LRP1B: variants seen among roughly 807,000 people sequenced by gnomAD.
LRP1B encodes the protein LDL receptor related protein 1B.
A neutral mutation model predicts 556.6 loss-of-function variants in LRP1B; 217 were observed. The observed-to-expected ratio is 0.39, with a 90% CI of 0.35 to 0.44. The LOEUF is 0.44. Among genes scored for constraint, LRP1B ranks in the 20% least tolerant of loss-of-function variants. The probability of loss-of-function intolerance (pLI) is 1.00; values close to 1 mark genes in which losing one functional copy is unlikely to be tolerated. For missense variants in LRP1B, 5,053 were observed against 5,620.8 expected, an observed-to-expected ratio of 0.90 and a Z score of 3.23; for synonymous variants, 2,047 against 1,865.8, an observed-to-expected ratio of 1.10 and a Z score of -2.50.
chr2:140,324,612 G>T (rs1372491606), intron 80 of LRP1B, among the ~76,000 whole-genome samples: 1 of 151,982 alleles, frequency 6.6e-6, no homozygotes. Flanking sequence ...CATCTGATTA[G>T]TTTGTCTAAA....
chr2:140,285,348 T>C (rs1362728729), intron 84 of LRP1B, among the ~76,000 whole-genome samples: 1 of 150,980 alleles, frequency 6.6e-6, no homozygotes, highest in Non-Finnish European at 1.5e-5. Context: ...TATGTATATA[T>C]GTGTACATAT....
chr2:140,885,800 A>T (rs1328197762), intron 24 of LRP1B, among the ~76,000 whole-genome samples: 4 of 4,694 alleles, frequency 8.5e-4, no homozygotes, highest in African/African-American at 1.8e-3. Context: ...TAGCAAAATT[A>T]AAAAAAAAAA....
chr2:141,853,419 C>T (rs1697932185), intron 1 of LRP1B, among the ~76,000 whole-genome samples: 1 of 151,662 alleles, frequency 6.6e-6, no homozygotes. Flanking sequence ...GTTAATGTTT[C>T]TCCACGTTCT....
intron 7 of LRP1B, among the ~76,000 whole-genome samples, chr2:141,100,205 C>A (rs900689828): frequency 1.3e-5 from 2 of 152,188 alleles, no homozygotes; most frequent in East Asian, 3.9e-4. Context: ...AGTACTAACA[C>A]TTCTGAGTTC....
chr2:142,016,784 A>G (rs1703147864), intron 1 of LRP1B, among the ~76,000 whole-genome samples: 1 of 151,406 alleles, frequency 6.6e-6, no homozygotes, highest in Admixed American at 6.6e-5. Flanking sequence ...TATGTAACAA[A>G]CCTGCACGTT....
chr2:141,601,927 T>C (rs879271), intron 2 of LRP1B, among the ~76,000 whole-genome samples: 142,810 of 152,208 alleles, frequency 0.94, 67,690 homozygotes, highest in East Asian at 1. Flanking sequence ...TAAGCCTCCA[T>C]GAGAAACTGC....
At chr2:141,639,626 C>A (rs935974236) in intron 2 of LRP1B, among the ~76,000 whole-genome samples, 1 of 151,370 alleles carries the variant, frequency 6.6e-6, no homozygotes, top group Non-Finnish European at 1.5e-5. Context: ...AATATAATAA[C>A]AATGTATACA....
In LRP1B at chr2:141,439,004, T is replaced by C. The variant is rs1311582872; in HGVS notation, c.343+41392A>G. Among the ~76,000 whole-genome samples the C allele has an allele frequency of 2.6e-5, 4 of 152,190 alleles. No individual in the cohort carries two copies. The East Asian group carries it at 7.7e-4, about 29-fold the overall frequency. The stretch of plus-strand genomic sequence containing the variant: ...GTTGGGTGGTATGATCAAAATTGTA[T>C]AATTTTGATCCAATTTGAAAAATTG... On this transcript the variant is annotated intron_variant, in intron 3 of 90. Transcript: ENST00000389484.
At chr2:141,781,739 C>T (rs1236713595) in intron 2 of LRP1B, among the ~76,000 whole-genome samples, 1 of 152,088 alleles carries the variant, frequency 6.6e-6, no homozygotes, top group African/African-American at 2.4e-5. Context: ...GTTACACAGA[C>T]ATAGATAAAA....
intron 66 of LRP1B, among the ~76,000 whole-genome samples, chr2:140,396,872 G>A (rs1251632264): frequency 6.6e-6 from 1 of 152,088 alleles, no homozygotes; most frequent in East Asian, 1.9e-4. Context: ...TGAGATTTTG[G>A]TTGTCAGCAC....
chr2:141,492,069 T>G (rs115231738), intron 2 of LRP1B, among the ~76,000 whole-genome samples: 1,281 of 16,510 alleles, frequency 0.078, 32 homozygotes, highest in African/African-American at 0.2. Flanking sequence ...AAGTCACTAT[T>G]TAGCTTTCTG....
chr2:141,376,768 T>A (rs1424952782), intron 3 of LRP1B, among the ~76,000 whole-genome samples: 1 of 152,204 alleles, frequency 6.6e-6, no homozygotes, highest in Non-Finnish European at 1.5e-5. Context: ...ATTTTTATGT[T>A]GATAGTCATG....
chr2:142,092,630 T>C (rs1411812206), intron 1 of LRP1B, among the ~76,000 whole-genome samples: 1 of 134,128 alleles, frequency 7.5e-6, no homozygotes, highest in Non-Finnish European at 1.7e-5. Flanking sequence ...GTAAGGAGAT[T>C]TGTGTGTGTG....
Position 140,407,701 on chromosome 2 carries a change from GAA to G in LRP1B, c.10415-21694_10415-21693del, listed in dbSNP as rs535518184. ...TAGTACATGTTGCTGTGGATGTGGT[GAA>G]AAGAGAACACTTTTGTACTGCTGGT... On this transcript the variant is annotated intron_variant, in intron 66 of 90. Transcript: ENST00000389484. 5.9e-5 allele frequency among the ~76,000 whole-genome samples: 9 copies of G among 152,152 alleles called. 1 individual carries two copies. Among genetic ancestry groups the G allele is most frequent in the African/African-American group, 2.2e-4 (9 of 41,534 alleles).
At chr2:141,962,961 C>G (rs1438533151) in intron 1 of LRP1B, among the ~76,000 whole-genome samples, 1 of 151,712 alleles carries the variant, frequency 6.6e-6, no homozygotes, top group Non-Finnish European at 1.5e-5. Context: ...AGTCATTTTC[C>G]AACAAGTCAC....
At chr2:142,080,272 T>C (rs1705662662) in intron 1 of LRP1B, among the ~76,000 whole-genome samples, 1 of 152,198 alleles carries the variant, frequency 6.6e-6, no homozygotes, top group South Asian at 2.1e-4. Context: ...TAAAAGGTGC[T>C]ATTAAGTGAA....
At chr2:141,124,664 G>GAAAAA (rs570765407) in intron 7 of LRP1B, among the ~76,000 whole-genome samples, 3 of 73,674 alleles carry the variant, frequency 4.1e-5, no homozygotes, top group African/African-American at 1.2e-4. Flanking sequence ...AGTGACAAAT[G>GAAAAA]AAAAAAAAAA....
intron 6 of LRP1B, among the ~76,000 whole-genome samples, chr2:141,213,124 T>TA (rs1194668423): frequency 6.6e-6 from 1 of 151,818 alleles, no homozygotes; most frequent in East Asian, 1.9e-4. Flanking sequence ...TTAATTTTTT[T>TA]TTTTTTTTGT....
intron 2 of LRP1B, among the ~76,000 whole-genome samples, chr2:141,680,827 C>T (rs1009184787): frequency 2.0e-5 from 3 of 152,056 alleles, no homozygotes; most frequent in Admixed American, 2.0e-4. Context: ...GTAGCAGTAA[C>T]TATTTTATTA....
Sources: allele counts gnomAD v4.1 joint callset (sites outside exome capture counted in the v4.1 genomes callset), GRCh38; gene constraint gnomAD v4.1.1; transcripts MANE v1.5; gene names NCBI Gene and HGNC (gene_info 2026-07-23, HGNC 2026-07-21).